GTF2E2: variants seen among roughly 807,000 people sequenced by gnomAD.
GTF2E2 encodes the protein general transcription factor IIE subunit 2.
A neutral mutation model predicts 40.5 loss-of-function variants in GTF2E2; 21 were observed. The ratio of observed to expected loss-of-function variants is 0.52; its 90% CI spans 0.37 to 0.75. GTF2E2 has a LOEUF of 0.75. Ranked by LOEUF, GTF2E2 falls within the 30% of genes least tolerant of loss-of-function variation. The pLI, the probability that GTF2E2 is intolerant of heterozygous loss-of-function variation, is 0.00. For missense variants in GTF2E2, 298 were observed against 338.4 expected, an observed-to-expected ratio of 0.88 and a Z score of 0.94; for synonymous variants, 117 against 121.6, an observed-to-expected ratio of 0.96 and a Z score of 0.25.
intron 6 of GTF2E2, among the ~76,000 whole-genome samples, chr8:30,606,830 A>G (rs912140876): frequency 6.6e-6 from 1 of 152,212 alleles, no homozygotes; most frequent in Non-Finnish European, 1.5e-5. Flanking sequence ...GAAATCCTGA[A>G]CTGCGATTGT....
intron 6 of GTF2E2, among the ~76,000 whole-genome samples, chr8:30,592,710 G>A (rs1828885453): frequency 6.6e-6 from 1 of 152,140 alleles, no homozygotes; most frequent in African/African-American, 2.4e-5. Flanking sequence ...TAATGACAAG[G>A]AAAACGTCTG....
At chr8:30,643,817 A>G (rs1248806540) in intron 2 of GTF2E2, 2 of 152,156 alleles carry the variant, frequency 1.3e-5, no homozygotes, top group African/African-American at 4.8e-5. Flanking sequence ...AAGAAAGAAA[A>G]AAAAAAAAGT....
At chr8:30,592,530 A>G (rs548337238) in intron 6 of GTF2E2, among the ~76,000 whole-genome samples, 10 of 152,218 alleles carry the variant, frequency 6.6e-5, no homozygotes, top group Non-Finnish European at 1.3e-4. Context: ...TCCAGGACTC[A>G]TACAGATACC....
At chr8:30,617,324 T>C (rs747830850) in intron 3 of GTF2E2, among the ~76,000 whole-genome samples, 14 of 152,208 alleles carry the variant, frequency 9.2e-5, no homozygotes, top group Admixed American at 2.0e-4. Context: ...TTCATTCAAA[T>C]ATTTAGTGGT....
intron 3 of GTF2E2, among the ~76,000 whole-genome samples, chr8:30,622,290 G>T (rs1305043522): frequency 6.6e-6 from 1 of 151,888 alleles, no homozygotes; most frequent in African/African-American, 2.4e-5. Flanking sequence ...TTTTAAAGCT[G>T]GGCGTCCAGG....
chr8:30,654,866 T>C (rs1269412715), intron 1 of GTF2E2, among the ~76,000 whole-genome samples: 3 of 152,204 alleles, frequency 2.0e-5, no homozygotes, highest in Non-Finnish European at 4.4e-5. Flanking sequence ...TGCTTATACA[T>C]AAAATGGCAT....
intron 2 of GTF2E2, among the ~76,000 whole-genome samples, chr8:30,642,103 C>A (rs961897955): frequency 3.3e-5 from 5 of 152,098 alleles, no homozygotes; most frequent in African/African-American, 9.7e-5. Flanking sequence ...ACATAAACAA[C>A]AGGCTCTTTT....
chr8:30,647,437 G>C lies in GTF2E2; in HGVS notation c.166+5996C>G, dbSNP rs187713763. 4.8e-3 allele frequency among the ~76,000 whole-genome samples: 730 copies of C among 152,108 alleles called. 4 individuals are homozygous for C. The highest frequency in any genetic ancestry group is 0.017 in the African/African-American group (701 of 41,516). On this transcript the variant is annotated intron_variant, in intron 2 of 7. Transcript: ENST00000355904. ...CTCTACTAAAAATACAAAAAAATTA[G>C]CCAGACATGGGAATGGGGCCCCTGT...
At chr8:30,646,873 G>A (rs1342644623) in intron 2 of GTF2E2, among the ~76,000 whole-genome samples, 3 of 150,796 alleles carry the variant, frequency 2.0e-5, no homozygotes, top group Non-Finnish European at 3.0e-5. Context: ...CCAGCTACTC[G>A]GGAGGCTGAG....
At chr8:30,648,230 C>T (rs901548445) in intron 2 of GTF2E2, among the ~76,000 whole-genome samples, 1 of 152,144 alleles carries the variant, frequency 6.6e-6, no homozygotes, top group Non-Finnish European at 1.5e-5. Flanking sequence ...GGACAGAGTA[C>T]AAGGAGAACA....
At chr8:30,614,244 C>T (rs1313488368) in intron 4 of GTF2E2, among the ~76,000 whole-genome samples, 1 of 152,162 alleles carries the variant, frequency 6.6e-6, no homozygotes, top group African/African-American at 2.4e-5. Flanking sequence ...TACACCATTT[C>T]TTTTAAGAAA....
chr8:30,647,154 T>TATA (rs1321650554), intron 2 of GTF2E2, among the ~76,000 whole-genome samples: 1 of 152,070 alleles, frequency 6.6e-6, no homozygotes, highest in African/African-American at 2.4e-5. Context: ...AGCTGGTATA[T>TATA]TAAGAGGGCT....
intron 6 of GTF2E2, among the ~76,000 whole-genome samples, chr8:30,606,232 T>C (rs142585671): frequency 4.4e-4 from 67 of 152,330 alleles, no homozygotes; most frequent in African/African-American, 1.3e-3. Flanking sequence ...AGATACTCAA[T>C]TGGGATTTTC....
chr8:30,584,134 A>G lies in GTF2E2; in HGVS notation c.644-3738T>C, dbSNP rs186370818. ...GATCAGTATTTATTTTGTGGTTCAA[A>G]CATCCCAGCTCTAATCACTAAGATT... On this transcript the variant is annotated intron_variant, in intron 6 of 7. Coordinates refer to ENST00000355904, the MANE Select transcript of GTF2E2 (RefSeq NM_002095.6). Among the ~76,000 whole-genome samples the G allele has an allele frequency of 7.7e-4, 116 of 151,040 alleles. 1 individual carries two copies. Among genetic ancestry groups the G allele is most frequent in the African/African-American group, 2.7e-3 (112 of 41,252 alleles).
At chr8:30,603,542 G>C (rs1178238809) in intron 6 of GTF2E2, among the ~76,000 whole-genome samples, 1 of 152,056 alleles carries the variant, frequency 6.6e-6, no homozygotes, top group Non-Finnish European at 1.5e-5. Flanking sequence ...ATACAACAAA[G>C]GGGGACACAT....
chr8:30,601,311 G>A (rs1349596156), intron 6 of GTF2E2, among the ~76,000 whole-genome samples: 1 of 152,192 alleles, frequency 6.6e-6, no homozygotes, highest in East Asian at 1.9e-4. Flanking sequence ...GGAATGACAG[G>A]AGCCAGGAAA....
chr8:30,644,418 A>C (rs1801984031), intron 2 of GTF2E2: 1 of 152,186 alleles, frequency 6.6e-6, no homozygotes, highest in Non-Finnish European at 1.5e-5. Flanking sequence ...AGATCACTCT[A>C]ACCTAAAATT....
At chr8:30,614,486 A>G (rs902064993) in intron 4 of GTF2E2, 122 bp downstream of exon 4, 23 of 568,472 alleles carry the variant, frequency 4.0e-5, no homozygotes, top group Non-Finnish European at 6.5e-5. Flanking sequence ...AGGCTGAGTC[A>G]GCAGTGGGCT....
intron 3 of GTF2E2, among the ~76,000 whole-genome samples, chr8:30,620,848 G>A (rs530978604): frequency 2.0e-5 from 3 of 151,838 alleles, no homozygotes; most frequent in East Asian, 3.9e-4. Flanking sequence ...AGAATCGCTT[G>A]AGCCCAGCAG....
Sources: gnomAD v4.1 joint callset for allele counts (sites outside exome capture counted in the v4.1 genomes callset) on GRCh38, gnomAD v4.1.1 for gene constraint, MANE v1.5 for transcripts, NCBI Gene and HGNC (gene_info 2026-07-23, HGNC 2026-07-21) for gene names.